CNTNAP3: variants seen among roughly 807,000 people sequenced by gnomAD.
CNTNAP3 encodes contactin associated protein family member 3, also known as contactin-associated protein-like 3.
A neutral mutation model predicts 92.1 loss-of-function variants in CNTNAP3; 36 were observed. The observed-to-expected ratio is 0.39, with a 90% CI of 0.30 to 0.52. The LOEUF (loss-of-function observed/expected upper bound fraction) is 0.52, where lower values mean the gene tolerates loss of function less well. Among genes scored for constraint, CNTNAP3 ranks in the 20% least tolerant of loss-of-function variants. The pLI is 0.76. For missense variants in CNTNAP3, 534 were observed against 1,069.6 expected, an observed-to-expected ratio of 0.50 and a Z score of 6.98; for synonymous variants, 232 against 422.3, an observed-to-expected ratio of 0.55 and a Z score of 5.53.
intron 15 of CNTNAP3, among the ~76,000 whole-genome samples, chr9:39,105,366 G>A (rs1157552163): frequency 3.3e-5 from 5 of 152,186 alleles, no homozygotes; most frequent in African/African-American, 1.2e-4. Flanking sequence ...GGCGGAGCTT[G>A]CAGTGAGGTG....
chr9:39,144,153 G>A (rs1821643429), intron 11 of CNTNAP3, 87 bp downstream of exon 11: 1 of 1,409,966 alleles, frequency 7.1e-7, no homozygotes, highest in African/African-American at 1.4e-5. Context: ...TTGCATGATT[G>A]CAAATATGCA....
At chr9:39,140,907 A>C (rs1318137111) in intron 11 of CNTNAP3, among the ~76,000 whole-genome samples, 1 of 152,224 alleles carries the variant, frequency 6.6e-6, no homozygotes, top group Non-Finnish European at 1.5e-5. Context: ...ATTTGGTCAC[A>C]GTGTATTTCT....
chr9:39,130,442 C>A (rs1821252987), intron 13 of CNTNAP3, among the ~76,000 whole-genome samples: 1 of 151,440 alleles, frequency 6.6e-6, no homozygotes, highest in South Asian at 2.1e-4. Context: ...TTTAAAAAAA[C>A]CCATAGAAAT....
At chr9:39,123,287 G>A (rs1821079385) in intron 13 of CNTNAP3, among the ~76,000 whole-genome samples, 1 of 151,796 alleles carries the variant, frequency 6.6e-6, no homozygotes, top group African/African-American at 2.4e-5. Flanking sequence ...GTAGAGACGT[G>A]GTTTCCCCGT....
At chr9:39,082,099 C>A (rs201894488) in intron 21 of CNTNAP3, among the ~76,000 whole-genome samples, 11,049 of 112,200 alleles carry the variant, frequency 0.098, 1,113 homozygotes, top group East Asian at 0.22. Context: ...AAAAAAAAAA[C>A]AAAGAAACTC....
At chr9:39,117,707 AAGAT>A (rs1820891966) in intron 14 of CNTNAP3, among the ~76,000 whole-genome samples, 2 of 152,198 alleles carry the variant, frequency 1.3e-5, no homozygotes, top group Non-Finnish European at 2.9e-5. Flanking sequence ...TTCTAAAAGA[AAGAT>A]AGAATATGCA....
intron 13 of CNTNAP3, among the ~76,000 whole-genome samples, chr9:39,128,315 C>G (rs905351301): frequency 2.0e-5 from 3 of 151,894 alleles, no homozygotes; most frequent in Non-Finnish European, 4.4e-5. Flanking sequence ...ATCAATATCT[C>G]TTATGAATTT....
At chr9:39,214,235 T>G (rs1322146532) in intron 3 of CNTNAP3, among the ~76,000 whole-genome samples, 2 of 26,548 alleles carry the variant, frequency 7.5e-5, no homozygotes, top group African/African-American at 1.2e-4. Flanking sequence ...GTGCTAATGT[T>G]TTTAATGCCC....
rs1825553770 is a variant in CNTNAP3, at chr9:39,068,224, C to T, written c.*5666G>A. On this transcript the variant is annotated 3_prime_UTR_variant, in exon 24 of 24. Transcript: ENST00000297668. The stretch of plus-strand genomic sequence containing the variant: ...ACCATCCTGGCTAACACGGTGAAAC[C>T]TTGCCTCCACTAAAAATACAAAAAA... 1.3e-5 allele frequency among the ~76,000 whole-genome samples: 2 copies of T among 150,534 alleles called. No individual in the cohort carries two copies. The highest frequency in any genetic ancestry group is 2.1e-4 in the South Asian group (1 of 4,818).
chr9:39,077,919 A>G (rs1012096910), intron 23 of CNTNAP3, among the ~76,000 whole-genome samples: 2 of 152,150 alleles, frequency 1.3e-5, no homozygotes, highest in Non-Finnish European at 2.9e-5. Context: ...TAGAAAATCA[A>G]CGAAGGCCGG....
intron 15 of CNTNAP3, among the ~76,000 whole-genome samples, chr9:39,107,154 G>C (rs1312472347): frequency 6.6e-6 from 1 of 151,564 alleles, no homozygotes; most frequent in African/African-American, 2.4e-5. Flanking sequence ...CTGTGGTGTA[G>C]ACTTACACTA....
intron 23 of CNTNAP3, among the ~76,000 whole-genome samples, chr9:39,076,156 T>A (rs1401762074): frequency 1.3e-5 from 2 of 151,722 alleles, no homozygotes; most frequent in African/African-American, 4.9e-5. Flanking sequence ...GCCAGTGATA[T>A]TTGACCACCA....
At chr9:39,135,839 A>G (rs1429217020) in intron 12 of CNTNAP3, among the ~76,000 whole-genome samples, 1 of 152,030 alleles carries the variant, frequency 6.6e-6, no homozygotes, top group Non-Finnish European at 1.5e-5. Context: ...AAATAATAAT[A>G]ATGGTTGTGG....
intron 21 of CNTNAP3, among the ~76,000 whole-genome samples, chr9:39,083,706 A>G (rs1296904087): frequency 6.6e-6 from 1 of 151,806 alleles, no homozygotes; most frequent in Non-Finnish European, 1.5e-5. Context: ...AGCAAAACAG[A>G]AAGAATACAA....
At chr9:39,122,962 T>G (rs1821067179) in intron 13 of CNTNAP3, among the ~76,000 whole-genome samples, 1 of 152,002 alleles carries the variant, frequency 6.6e-6, no homozygotes, top group Non-Finnish European at 1.5e-5. Context: ...CTCATCAAAG[T>G]CTGGGAAGAC....
chr9:39,119,117 T>C (rs1820939422), intron 13 of CNTNAP3, among the ~76,000 whole-genome samples: 1 of 152,086 alleles, frequency 6.6e-6, no homozygotes, highest in Non-Finnish European at 1.5e-5. Flanking sequence ...CAAGTTGCAG[T>C]CATCACAGAT....
At chr9:39,105,243 T>G (rs60412481) in intron 15 of CNTNAP3, among the ~76,000 whole-genome samples, 1 of 152,004 alleles carries the variant, frequency 6.6e-6, no homozygotes, top group African/African-American at 2.4e-5. Flanking sequence ...CTGGCTAACA[T>G]GGTGAAACCC....
chr9:39,082,153 T>C (rs1825959991), intron 21 of CNTNAP3, among the ~76,000 whole-genome samples: 1 of 151,614 alleles, frequency 6.6e-6, no homozygotes, highest in Non-Finnish European at 1.5e-5. Flanking sequence ...AGTCCCTCAG[T>C]TATACTAGCC....
intron 7 of CNTNAP3, chr9:39,174,345 G>A: frequency 1.8e-6 from 1 of 552,974 alleles, no homozygotes; most frequent in Non-Finnish European, 3.3e-6. Flanking sequence ...GCAGGGTGCT[G>A]TTCATAGTAA....
Sources: allele counts gnomAD v4.1 joint callset (sites outside exome capture counted in the v4.1 genomes callset), GRCh38; gene constraint gnomAD v4.1.1; transcripts MANE v1.5; gene names NCBI Gene and HGNC (gene_info 2026-07-23, HGNC 2026-07-21).